CHRM5: variants seen among roughly 807,000 people sequenced by gnomAD.
CHRM5 encodes the protein cholinergic receptor muscarinic 5.
Under a neutral mutation model 39.0 loss-of-function variants are expected in CHRM5, and 18 were observed. The observed-to-expected ratio is 0.46, with a 90% CI of 0.32 to 0.68. CHRM5 has a LOEUF of 0.68. Ranked by LOEUF, CHRM5 falls within the 30% of genes least tolerant of loss-of-function variation. The pLI is 0.04. For missense variants in CHRM5, 515 were observed against 651.1 expected (o/e 0.79, Z 2.28); for synonymous variants, 241 against 246.3 (o/e 0.98, Z 0.20).
At chr15:34,005,951 T>A (rs904455029) in intron 1 of CHRM5, among the ~76,000 whole-genome samples, 3 of 152,160 alleles carry the variant, frequency 2.0e-5, no homozygotes, top group Non-Finnish European at 4.4e-5. Context: ...AACCAAAAGA[T>A]GCTGGCAGAT....
chr15:34,021,485 G>A (rs180823809), intron 1 of CHRM5, among the ~76,000 whole-genome samples: 64 of 152,066 alleles, frequency 4.2e-4, no homozygotes, highest in African/African-American at 1.5e-3. Flanking sequence ...GGGTTTCTCC[G>A]TGTTGGTCAG....
At chr15:33,996,742 A>T (rs1896953018) in intron 1 of CHRM5, among the ~76,000 whole-genome samples, 1 of 152,206 alleles carries the variant, frequency 6.6e-6, no homozygotes, top group Non-Finnish European at 1.5e-5. Context: ...AACCACAAAG[A>T]TGGGGAGAAA....
chr15:34,058,734 A>G (rs978807545), intron 2 of CHRM5, among the ~76,000 whole-genome samples: 2 of 152,318 alleles, frequency 1.3e-5, no homozygotes, highest in Admixed American at 1.3e-4. Context: ...TCAGCTCATC[A>G]GAACATTTAT....
At chr15:34,053,344 G>A (rs1453251271) in intron 2 of CHRM5, among the ~76,000 whole-genome samples, 5 of 85,278 alleles carry the variant, frequency 5.9e-5, no homozygotes, top group Non-Finnish European at 1.0e-4. Context: ...ATATATATAT[G>A]GAACTGAAAA....
chr15:34,037,518 CTATTA>C (rs1899202492), intron 1 of CHRM5, among the ~76,000 whole-genome samples: 1 of 148,926 alleles, frequency 6.7e-6, no homozygotes, highest in Admixed American at 6.7e-5. Context: ...TAATTACATA[CTATTA>C]TATTACATAA....
chr15:34,014,294 G>A (rs1024339703), intron 1 of CHRM5, among the ~76,000 whole-genome samples: 2 of 148,502 alleles, frequency 1.3e-5, no homozygotes, highest in African/African-American at 2.5e-5. Flanking sequence ...AACCCAGGAG[G>A]CAGAGATTAC....
chr15:34,043,337 C>T (rs1899556660), intron 1 of CHRM5, among the ~76,000 whole-genome samples: 1 of 151,998 alleles, frequency 6.6e-6, no homozygotes, highest in Admixed American at 6.6e-5. Context: ...AATGCACTGT[C>T]CTCTTGCAAA....
intron 1 of CHRM5, among the ~76,000 whole-genome samples, chr15:33,998,752 T>TA (rs1897030261): frequency 6.6e-6 from 1 of 152,184 alleles, no homozygotes; most frequent in Admixed American, 6.5e-5. Flanking sequence ...TCAAAACACT[T>TA]AAAGACACTA....
intron 2 of CHRM5, 71 bp from the exon 3 acceptor site, chr15:34,062,572 A>AC (rs1555521306): frequency 2.3e-5 from 15 of 657,244 alleles, no homozygotes; most frequent in Middle Eastern, 2.6e-4. Flanking sequence ...AAAAAAAAAA[A>AC]AACTATAAAC....
intron 2 of CHRM5, among the ~76,000 whole-genome samples, chr15:34,057,825 T>A (rs1327700643): frequency 1.3e-5 from 2 of 152,246 alleles, no homozygotes; most frequent in East Asian, 1.9e-4. Context: ...ATACAGCAAG[T>A]AATGGAACTA....
intron 1 of CHRM5, among the ~76,000 whole-genome samples, chr15:34,020,526 C>T (rs193210319): frequency 3.2e-4 from 48 of 152,270 alleles, no homozygotes; most frequent in Non-Finnish European, 6.3e-4. Context: ...AGGGTTAATG[C>T]CATCATCTGG....
At position 34,063,696 on chromosome 15, in the gene CHRM5, A is replaced by G. The variant is rs1326489575; in HGVS notation, c.979A>G (p.Ser327Gly). The change falls in exon 3 of 3, where the codon AGT becomes GGT. Residue 327 changes from serine to glycine, a missense_variant. Coordinates refer to ENST00000383263, the MANE Select transcript of CHRM5 (RefSeq NM_012125.4). The surrounding 1 kb of genome is among the most constrained non-coding windows in gnomAD (Gnocchi z 4.1). ...TDPVLQVVYK[S>G]QGKESPGEEF... ...CCCTGTCCTCCAAGTGGTCTACAAG[A>G]GTCAGGGTAAGGAAAGCCCAGGGGA... 6.2e-7 allele frequency: 1 copy of G among 1,614,194 alleles called. No individual in the cohort carries two copies. Among genetic ancestry groups the G allele is most frequent in the Non-Finnish European group, 8.5e-7 (1 of 1,180,042 alleles).
At chr15:33,983,393 A>C (rs1896275735) in intron 1 of CHRM5, among the ~76,000 whole-genome samples, 1 of 151,930 alleles carries the variant, frequency 6.6e-6, no homozygotes, top group Non-Finnish European at 1.5e-5. Flanking sequence ...AGTTAACATA[A>C]ACGCTTCCAT....
intron 1 of CHRM5, among the ~76,000 whole-genome samples, chr15:34,041,202 C>G (rs1312312030): frequency 6.6e-6 from 1 of 152,138 alleles, no homozygotes; most frequent in Non-Finnish European, 1.5e-5. Context: ...AACCCCTCTC[C>G]CCCTCATTAA....
chr15:33,985,183 T>C (rs1324420863), intron 1 of CHRM5, among the ~76,000 whole-genome samples: 1 of 151,980 alleles, frequency 6.6e-6, no homozygotes, highest in Non-Finnish European at 1.5e-5. Context: ...GTTAGCCTGT[T>C]ACTGTTTCAT....
intron 1 of CHRM5, among the ~76,000 whole-genome samples, chr15:34,040,556 C>T (rs1899428717): frequency 6.6e-6 from 1 of 152,182 alleles, no homozygotes. Context: ...GGACTAATAG[C>T]TGGCCTACGA....
At chr15:34,021,660 G>A (rs183464614) in intron 1 of CHRM5, among the ~76,000 whole-genome samples, 1 of 152,020 alleles carries the variant, frequency 6.6e-6, no homozygotes, top group East Asian at 1.9e-4. Context: ...TTTGAGACCA[G>A]CCTGGCTAAA....
rs1897977988 is a variant in CHRM5, at chr15:34,017,492, T to TTTTG, written c.-407-29045_-407-29044insGTTT. On this transcript the variant is annotated intron_variant, in intron 1 of 2. Transcript: ENST00000383263. The stretch of plus-strand genomic sequence containing the variant: ...AGTATGATTTTTTTTTTGTTTTTTT[T>TTTTG]TTTTTTTTGAGACAGGGTCTTGCTA... Among the ~76,000 whole-genome samples, 4 of 92,248 alleles carry TTTTG rather than the reference T, an allele frequency of 4.3e-5. 1 individual carries two copies. The highest frequency in any genetic ancestry group is 7.7e-4 in the South Asian group (2 of 2,592). The allele number at this position is 92,248 out of a possible 152,430, so 60.5% of individuals were successfully genotyped here.
intron 1 of CHRM5, among the ~76,000 whole-genome samples, chr15:34,026,298 T>C (rs919318161): frequency 6.6e-6 from 1 of 152,200 alleles, no homozygotes; most frequent in Admixed American, 6.6e-5. Flanking sequence ...GCACTTTTAT[T>C]TTCTTCTTGG....
Sources: gnomAD v4.1 joint callset for allele counts (sites outside exome capture counted in the v4.1 genomes callset) on GRCh38, gnomAD v4.1.1 for gene constraint, Gnocchi (gnomAD v3.1) non-coding constraint, MANE v1.5 for transcripts, NCBI Gene and HGNC (gene_info 2026-07-23, HGNC 2026-07-21) for gene names.